Variants in RAD23B observed in about 807,000 individuals in gnomAD.
The protein encoded by RAD23B is RAD23 nucleotide excision repair protein B, also known as lysine-specific demethylase RAD23B.
Under a neutral mutation model 49.1 loss-of-function variants are expected in RAD23B, and 5 were observed. The ratio of observed to expected loss-of-function variants is 0.10; its 90% CI spans 0.05 to 0.21. The LOEUF (loss-of-function observed/expected upper bound fraction) is 0.21, where lower values mean the gene tolerates loss of function less well. Among genes scored for constraint, RAD23B ranks in the 10% least tolerant of loss-of-function variants. RAD23B has a pLI of 1.00. For missense variants in RAD23B, 356 were observed against 486.7 expected, an observed-to-expected ratio of 0.73 and a Z score of 2.53; for synonymous variants, 184 against 165.4, an observed-to-expected ratio of 1.11 and a Z score of -0.86.
At chr9:107,313,121 G>C (rs1482403530) in intron 5 of RAD23B, among the ~76,000 whole-genome samples, 1 of 151,646 alleles carries the variant, frequency 6.6e-6, no homozygotes, top group Non-Finnish European at 1.5e-5. Flanking sequence ...TTCCTTCTTT[G>C]GCTGCTGTGA....
chr9:107,298,868 C>G (rs1468242569), intron 1 of RAD23B, among the ~76,000 whole-genome samples: 1 of 151,598 alleles, frequency 6.6e-6, no homozygotes, highest in Non-Finnish European at 1.5e-5. Flanking sequence ...TGTGTTTTAC[C>G]TTTGAAATGG....
chr9:107,316,905 G>A (rs7868125), intron 5 of RAD23B, among the ~76,000 whole-genome samples: 3,344 of 152,192 alleles, frequency 0.022, 118 homozygotes, highest in African/African-American at 0.074. Flanking sequence ...ACTAGGCAAT[G>A]CCTTTTAAAT....
intron 1 of RAD23B, among the ~76,000 whole-genome samples, chr9:107,298,934 A>G (rs1211359157): frequency 6.6e-6 from 1 of 152,146 alleles, no homozygotes; most frequent in Admixed American, 6.5e-5. Flanking sequence ...ACTTTGGGGA[A>G]CATCAGAATA....
At chr9:107,320,064 A>G (rs1827077970) in intron 6 of RAD23B, among the ~76,000 whole-genome samples, 1 of 152,348 alleles carries the variant, frequency 6.6e-6, no homozygotes, top group African/African-American at 2.4e-5. Flanking sequence ...TCAGGTAGCT[A>G]GCTAGTTTCA....
chr9:107,324,569 TTTTG>T (rs1442201711), intron 8 of RAD23B, among the ~76,000 whole-genome samples: 1 of 151,972 alleles, frequency 6.6e-6, no homozygotes, highest in African/African-American at 2.4e-5. Context: ...TTTGTTTGTT[TTTTG>T]TTTGTTTTGT....
At chr9:107,301,536 G>C (rs74477035) in intron 2 of RAD23B, among the ~76,000 whole-genome samples, 1 of 151,998 alleles carries the variant, frequency 6.6e-6, no homozygotes, top group Non-Finnish European at 1.5e-5. Context: ...AAATGCTTAT[G>C]CTTTTTAGTT....
intron 6 of RAD23B, among the ~76,000 whole-genome samples, chr9:107,320,830 C>T (rs1827095392): frequency 6.6e-6 from 1 of 152,144 alleles, no homozygotes; most frequent in Admixed American, 6.5e-5. Context: ...TTAACTCATT[C>T]AAAAACATTG....
chr9:107,285,684 T>C (rs1833262429), intron 1 of RAD23B, among the ~76,000 whole-genome samples: 1 of 152,226 alleles, frequency 6.6e-6, no homozygotes, highest in African/African-American at 2.4e-5. Context: ...AAAAGCCCAT[T>C]GTTAGGGAGC....
At chr9:107,289,331 C>T (rs1376603946) in intron 1 of RAD23B, among the ~76,000 whole-genome samples, 1 of 152,006 alleles carries the variant, frequency 6.6e-6, no homozygotes, top group Non-Finnish European at 1.5e-5. Context: ...ACTACGGGGG[C>T]ATGCCACCAC....
intron 1 of RAD23B, among the ~76,000 whole-genome samples, chr9:107,292,348 C>T (rs565479756): frequency 8.5e-5 from 13 of 152,236 alleles, no homozygotes; most frequent in East Asian, 1.9e-4. Flanking sequence ...TTTCTAGATG[C>T]GAAATTATTT....
At chr9:107,302,202 A>G in intron 3 of RAD23B, 88 bp downstream of exon 3, 4 of 1,572,006 alleles carry the variant, frequency 2.5e-6, no homozygotes, top group Non-Finnish European at 3.4e-6. Context: ...GACACAGTTT[A>G]TACACATCCA....
intron 2 of RAD23B, among the ~76,000 whole-genome samples, chr9:107,301,216 G>A (rs1278316760): frequency 6.6e-6 from 1 of 152,146 alleles, no homozygotes; most frequent in African/African-American, 2.4e-5. Context: ...TGTGTATCAT[G>A]TCGTTTTCTG....
At chr9:107,323,691 T>A (rs41550216) in intron 7 of RAD23B, among the ~76,000 whole-genome samples, 199 bp from the exon 8 acceptor site, 1,944 of 152,334 alleles carry the variant, frequency 0.013, 24 homozygotes, top group Non-Finnish European at 0.019. Flanking sequence ...CTGCCTTTGC[T>A]AATAGGAGTA....
intron 3 of RAD23B, among the ~76,000 whole-genome samples, chr9:107,303,419 G>T (rs1826698934): frequency 6.6e-6 from 1 of 152,122 alleles, no homozygotes; most frequent in Non-Finnish European, 1.5e-5. Context: ...TAAGAACCAT[G>T]TTGATTTTGC....
At chr9:107,309,312 C>A (rs904400619) in intron 4 of RAD23B, among the ~76,000 whole-genome samples, 4 of 152,090 alleles carry the variant, frequency 2.6e-5, no homozygotes, top group African/African-American at 9.7e-5. Flanking sequence ...GCTGATACTA[C>A]AAGACAGTTA....
rs1826779217 is a variant in RAD23B at position 107,306,554 on chromosome 9, C to G, written c.404C>G (p.Ser135Cys). ...ACTCCAGCATCAGCGACAGCATCTTCTGAACCTGCACCTGCTAGTGCAGCT... is the reference window on the plus strand; with the variant it reads ...ACTCCAGCATCAGCGACAGCATCTTGTGAACCTGCACCTGCTAGTGCAGCT... Reference protein sequence around the residue: ...SITPASATASSEPAPASAAKQ... With the variant: ...SITPASATASCEPAPASAAKQ... The change falls in exon 4 of 10, where the codon TCT becomes TGT. Residue 135 changes from serine (S) to cysteine (C), a missense_variant. This residue lies in a region of RAD23B where 137 missense variants were observed against 122.0 expected (regional missense o/e 1.12). Transcript: ENST00000358015. 1.2e-6 allele frequency: 2 copies of G among 1,614,042 alleles called. No individual in the cohort carries two copies. The highest frequency in any genetic ancestry group is 2.7e-5 in the African/African-American group (2 of 74,916).
At chr9:107,301,302 G>C (rs1195388660) in intron 2 of RAD23B, among the ~76,000 whole-genome samples, 5 of 152,130 alleles carry the variant, frequency 3.3e-5, no homozygotes, top group Non-Finnish European at 5.9e-5. Flanking sequence ...TGGGGAGCAG[G>C]AAATTTGTTT....
chr9:107,317,528 AAG>A (rs1199615509), intron 5 of RAD23B, among the ~76,000 whole-genome samples: 3 of 152,028 alleles, frequency 2.0e-5, no homozygotes, highest in African/African-American at 7.2e-5. Context: ...TGGTTCCTCA[AAG>A]AGGAATTAGG....
At chr9:107,320,390 T>A (rs2133093414) in intron 6 of RAD23B, among the ~76,000 whole-genome samples, 1 of 152,328 alleles carries the variant, frequency 6.6e-6, no homozygotes, top group Non-Finnish European at 1.5e-5. Context: ...AGTTCAACAG[T>A]ATCAGTTATT....
Sources: gnomAD v4.1 joint callset for allele counts (sites outside exome capture counted in the v4.1 genomes callset) on GRCh38, gnomAD v4.1.1 for gene constraint, gnomAD v4.1.1 regional missense constraint, MANE v1.5 for transcripts, NCBI Gene and HGNC (gene_info 2026-07-23, HGNC 2026-07-21) for gene names.